Variants in ADAMTS17 observed in about 807,000 individuals in gnomAD.
The protein encoded by ADAMTS17 is A disintegrin and metalloproteinase with thrombospondin motifs 17.
A neutral mutation model predicts 141.5 loss-of-function variants in ADAMTS17; 113 were observed. That is an observed-to-expected ratio of 0.80 (90% CI 0.69 to 0.93). The LOEUF is 0.93. Among genes scored for constraint, ADAMTS17 ranks in the 40% least tolerant of loss-of-function variants. The probability of loss-of-function intolerance (pLI) is 0.00; values close to 1 mark genes in which losing one functional copy is unlikely to be tolerated. For missense variants in ADAMTS17, 1,659 were observed against 1,517.9 expected (o/e 1.09, Z -1.54); for synonymous variants, 768 against 630.6 (o/e 1.22, Z -3.27).
At chr15:100,113,901 C>T (rs1172812591) in intron 13 of ADAMTS17, among the ~76,000 whole-genome samples, 1 of 152,206 alleles carries the variant, frequency 6.6e-6, no homozygotes, top group African/African-American at 2.4e-5. Context: ...AGCTCTCCGA[C>T]ACTTCAGTGG....
At chr15:100,233,779 C>T (rs568981192) in intron 7 of ADAMTS17, among the ~76,000 whole-genome samples, 1 of 151,920 alleles carries the variant, frequency 6.6e-6, no homozygotes, top group East Asian at 1.9e-4. Flanking sequence ...GAGAGTGTGC[C>T]GGGCCCAGGA....
intron 2 of ADAMTS17, among the ~76,000 whole-genome samples, chr15:100,336,308 G>C (rs766608331): frequency 6.6e-6 from 1 of 152,144 alleles, no homozygotes; most frequent in Non-Finnish European, 1.5e-5. Flanking sequence ...GGGCTGGAGA[G>C]GACAAAGGCG....
intron 6 of ADAMTS17, 60 bp from the exon 7 acceptor site, chr15:100,254,239 AAC>A: frequency 6.8e-7 from 1 of 1,478,668 alleles, no homozygotes; most frequent in Non-Finnish European, 9.4e-7. Flanking sequence ...GGGAGAAGAA[AAC>A]ACTGTGAATT....
chr15:100,234,468 T>C (rs2042591295), intron 7 of ADAMTS17, among the ~76,000 whole-genome samples: 1 of 152,152 alleles, frequency 6.6e-6, no homozygotes, highest in Admixed American at 6.5e-5. Flanking sequence ...TCAAGCCCCT[T>C]CTTGCACTCT....
rs1252370502 is a variant in ADAMTS17 at position 100,261,530 on chromosome 15, G to A, written c.980C>T (p.Pro327Leu). ...GARYLGNNQV[P>L]GGKDDPPLVD... ...CAGGGGCGGGTCGTCCTTCCCGCCG[G>A]GAACCTGGTTATTGCCGAGGTATCG... The change falls in exon 6 of 22, where the codon CCC becomes CTC. Residue 327 changes from proline (P) to leucine (L), a missense_variant. By Grantham distance (98) the Pro-to-Leu change is moderately conservative. Transcript: ENST00000268070. 9.9e-6 allele frequency: 16 copies of A among 1,614,046 alleles called. No homozygotes were observed. Among genetic ancestry groups the A allele is most frequent in the African/African-American group, 1.3e-5 (1 of 74,910 alleles).
chr15:100,149,186 C>G (rs729477), intron 10 of ADAMTS17, among the ~76,000 whole-genome samples: 62,477 of 152,188 alleles, frequency 0.41, 13,430 homozygotes, highest in East Asian at 0.5. Flanking sequence ...GCCTGGAGCC[C>G]TGAAGTGTGG....
intron 7 of ADAMTS17, among the ~76,000 whole-genome samples, chr15:100,239,480 G>A (rs1003228179): frequency 3.3e-5 from 5 of 151,830 alleles, no homozygotes; most frequent in Admixed American, 6.6e-5. Flanking sequence ...TGCAGATCTC[G>A]GCACCGCTCC....
intron 12 of ADAMTS17, among the ~76,000 whole-genome samples, chr15:100,130,229 T>C (rs1004132040): frequency 7.9e-5 from 12 of 152,058 alleles, no homozygotes; most frequent in African/African-American, 2.9e-4. Context: ...CTGGGAGTTG[T>C]GGTGCACTCC....
intron 13 of ADAMTS17, among the ~76,000 whole-genome samples, chr15:100,111,329 G>A (rs755364351): frequency 4.6e-5 from 7 of 152,254 alleles, no homozygotes; most frequent in Non-Finnish European, 1.0e-4. Flanking sequence ...CAGCCTGGAA[G>A]GAATGACTCA....
intron 8 of ADAMTS17, among the ~76,000 whole-genome samples, chr15:100,173,706 C>T (rs1799563884): frequency 6.6e-6 from 1 of 152,210 alleles, no homozygotes; most frequent in Non-Finnish European, 1.5e-5. Context: ...CTGTAAGCAT[C>T]CCACTGTGGC....
intron 18 of ADAMTS17, among the ~76,000 whole-genome samples, chr15:100,035,046 A>G (rs2030566351): frequency 6.6e-6 from 1 of 152,186 alleles, no homozygotes; most frequent in Non-Finnish European, 1.5e-5. Flanking sequence ...CCTAAGATTA[A>G]TGTCATACTC....
chr15:100,114,252 T>A (rs553443458), intron 13 of ADAMTS17, among the ~76,000 whole-genome samples: 2 of 151,728 alleles, frequency 1.3e-5, no homozygotes, highest in Non-Finnish European at 2.9e-5. Flanking sequence ...GCCAAAGAAT[T>A]CCGCAGCGAT....
chr15:100,235,395 C>T (rs1270771221), intron 7 of ADAMTS17, among the ~76,000 whole-genome samples: 2 of 152,176 alleles, frequency 1.3e-5, no homozygotes, highest in Non-Finnish European at 2.9e-5. Flanking sequence ...CCACCCCACA[C>T]CATGCACACA....
Position 100,003,011 on chromosome 15 carries a change from GC to G in ADAMTS17, c.2592-5423del, listed in dbSNP as rs1453321851. Reference sequence around the variant, plus strand: ...TGCCATTCACCCCTCCTCTGGGGCTGCCCCTGCCTCCCTCCTATGGTGCAAT... The same window carrying G: ...TGCCATTCACCCCTCCTCTGGGGCTGCCCTGCCTCCCTCCTATGGTGCAAT... On this transcript the variant is annotated intron_variant, in intron 18 of 21. Transcript: ENST00000268070. Among the ~76,000 whole-genome samples the G allele has an allele frequency of 1.2e-4, 18 of 152,124 alleles. No homozygotes were observed. In the East Asian group the frequency reaches 3.1e-3, roughly 26 times the overall value.
rs1218438403 is a variant in ADAMTS17, at chr15:100,199,309, G to C, written c.1181+9C>G. The C allele has an allele frequency of 6.2e-7, 1 of 1,611,866 alleles. No individual in the cohort carries two copies. The highest frequency in any genetic ancestry group is 1.7e-5 in the Admixed American group (1 of 60,014). On this transcript the variant is annotated intron_variant, in intron 8 of 21. Transcript: ENST00000268070. ...AAGAAAACAGGACGACACAGAGTCT[G>C]ATACTTACTTGTGGCCCAGCTCATG...
chr15:100,290,909 T>C (rs1286011785), intron 3 of ADAMTS17, among the ~76,000 whole-genome samples: 1 of 152,170 alleles, frequency 6.6e-6, no homozygotes, highest in Non-Finnish European at 1.5e-5. Context: ...GAAAAAAACC[T>C]AGGAAATACC....
chr15:100,215,782 A>G (rs1257958141), intron 7 of ADAMTS17, among the ~76,000 whole-genome samples: 8 of 152,008 alleles, frequency 5.3e-5, no homozygotes, highest in East Asian at 1.9e-4. Context: ...TCCCGCTCGA[A>G]GACACAAGTA....
chr15:100,241,986 T>G (rs550735854), intron 7 of ADAMTS17, among the ~76,000 whole-genome samples: 1 of 152,278 alleles, frequency 6.6e-6, no homozygotes, highest in South Asian at 2.1e-4. Flanking sequence ...CTGAAGCACT[T>G]ACGCTGCATA....
At chr15:100,184,036 T>C (rs911972476) in intron 8 of ADAMTS17, among the ~76,000 whole-genome samples, 8 of 151,982 alleles carry the variant, frequency 5.3e-5, no homozygotes, top group South Asian at 2.1e-4. Context: ...AGGGGTTTCA[T>C]TGCTGCTGCT....
Sources: gnomAD v4.1 joint callset for allele counts (sites outside exome capture counted in the v4.1 genomes callset) on GRCh38, gnomAD v4.1.1 for gene constraint, MANE v1.5 for transcripts, NCBI Gene and HGNC (gene_info 2026-07-23, HGNC 2026-07-21) for gene names.